Variants in ZNF385D observed in about 807,000 individuals in gnomAD.
ZNF385D encodes zinc finger protein 659.
ZNF385D carries 15 observed loss-of-function variants against 35.8 expected under a neutral mutation model. That is an observed-to-expected ratio of 0.42 (90% CI 0.28 to 0.64). ZNF385D has a LOEUF of 0.64. Among genes scored for constraint, ZNF385D ranks in the 30% least tolerant of loss-of-function variants. ZNF385D has a pLI of 0.23. For missense variants in ZNF385D, 474 were observed against 494.6 expected, an observed-to-expected ratio of 0.96 and a Z score of 0.39; for synonymous variants, 212 against 186.8, an observed-to-expected ratio of 1.13 and a Z score of -1.10.
At chr3:21,966,489 A>T (rs1003559273) in intron 3 of ZNF385D, among the ~76,000 whole-genome samples, 1 of 152,190 alleles carries the variant, frequency 6.6e-6, no homozygotes, top group East Asian at 1.9e-4. Flanking sequence ...GAGGCTTTAT[A>T]ATCAGAAATT....
chr3:22,256,792 A>G (rs1295021548), intron 2 of ZNF385D, among the ~76,000 whole-genome samples: 1 of 151,856 alleles, frequency 6.6e-6, no homozygotes, highest in South Asian at 2.1e-4. Context: ...TGCTATCACC[A>G]TTCTTCAATG....
intron 4 of ZNF385D, among the ~76,000 whole-genome samples, chr3:21,463,972 A>G (rs929533288): frequency 6.6e-6 from 1 of 152,106 alleles, no homozygotes; most frequent in Admixed American, 6.5e-5. Flanking sequence ...TATCACACAT[A>G]TACATGAAAC....
chr3:21,532,515 AT>A (rs1307652565), intron 3 of ZNF385D, among the ~76,000 whole-genome samples: 1 of 152,114 alleles, frequency 6.6e-6, no homozygotes, highest in South Asian at 2.1e-4. Context: ...AGAATGGAAC[AT>A]TTTAGTTTCC....
At chr3:21,665,082 C>T (rs1004400254) in intron 1 of ZNF385D, 54 bp from the exon 2 acceptor site, 26 of 1,512,528 alleles carry the variant, frequency 1.7e-5, no homozygotes, top group Non-Finnish European at 2.2e-5. Context: ...TGGAAAAAAA[C>T]ACCAAAGTTG....
At chr3:21,732,045 T>TGAGAACGGAG (rs1559561969) in intron 1 of ZNF385D, among the ~76,000 whole-genome samples, 1 of 49,240 alleles carries the variant, frequency 2.0e-5, no homozygotes, top group Non-Finnish European at 4.9e-5. Context: ...TTTTTTTTTT[T>TGAGAACGGAG]TTTTTTTTTT....
chr3:21,865,061 T>TG (rs1410922833), intron 3 of ZNF385D, among the ~76,000 whole-genome samples: 3 of 138,876 alleles, frequency 2.2e-5, no homozygotes, highest in Admixed American at 7.3e-5. Flanking sequence ...TTTTTTTTTT[T>TG]TTTTTTTTTT....
At chr3:22,057,966 GT>G in intron 3 of ZNF385D, among the ~76,000 whole-genome samples, 1 of 152,216 alleles carries the variant, frequency 6.6e-6, no homozygotes, top group South Asian at 2.1e-4. Flanking sequence ...CCATATTCTT[GT>G]TTATCTCAAT....
chr3:22,130,195 C>G (rs1046997277), intron 3 of ZNF385D, among the ~76,000 whole-genome samples: 2 of 152,102 alleles, frequency 1.3e-5, no homozygotes, highest in African/African-American at 4.8e-5. Flanking sequence ...ATCCAAGTTG[C>G]AAGACAAAGT....
At chr3:21,443,811 G>A (rs77860984) in intron 4 of ZNF385D, among the ~76,000 whole-genome samples, 9,025 of 152,046 alleles carry the variant, frequency 0.059, 371 homozygotes, top group Non-Finnish European at 0.093. Context: ...CCCAAGCCTT[G>A]TATGCATTAA....
intron 3 of ZNF385D, among the ~76,000 whole-genome samples, chr3:22,085,924 C>T (rs1445247595): frequency 6.6e-6 from 1 of 152,108 alleles, no homozygotes; most frequent in African/African-American, 2.4e-5. Context: ...AAATGAAATC[C>T]ATCACATAAA....
intron 2 of ZNF385D, among the ~76,000 whole-genome samples, chr3:21,597,310 T>C (rs576016786): frequency 6.6e-6 from 1 of 152,004 alleles, no homozygotes; most frequent in South Asian, 2.1e-4. Context: ...TTAAATAGAA[T>C]AAGCAATGTT....
chr3:22,133,495 A>C (rs1703925913), intron 3 of ZNF385D: 3 of 152,132 alleles, frequency 2.0e-5, no homozygotes, highest in Admixed American at 6.6e-5. Context: ...AGAATACAGC[A>C]TTATAATCAC....
intron 2 of ZNF385D, among the ~76,000 whole-genome samples, chr3:22,203,814 C>T (rs185334828): frequency 1.3e-5 from 2 of 152,090 alleles, no homozygotes; most frequent in Admixed American, 6.6e-5. Context: ...TTAGCTCAGT[C>T]GCAGTAGAAT....
At chr3:21,863,853 G>T (rs6550629) in intron 3 of ZNF385D, among the ~76,000 whole-genome samples, 4,853 of 152,158 alleles carry the variant, frequency 0.032, 245 homozygotes, top group African/African-American at 0.1. Context: ...GCCAACCCAG[G>T]CCTCTATAAA....
intron 1 of ZNF385D, among the ~76,000 whole-genome samples, chr3:21,673,143 C>T (rs2066625121): frequency 6.6e-6 from 1 of 152,052 alleles, no homozygotes; most frequent in Non-Finnish European, 1.5e-5. Context: ...TTAAATTTCA[C>T]ACCATGAATC....
chr3:21,770,472 A>G (rs1238364856), intron 3 of ZNF385D, among the ~76,000 whole-genome samples: 1 of 152,236 alleles, frequency 6.6e-6, no homozygotes, highest in East Asian at 1.9e-4. Flanking sequence ...TATGCAGCCA[A>G]AAGACACATG....
At chr3:21,882,386 A>C (rs1016685043) in intron 3 of ZNF385D, among the ~76,000 whole-genome samples, 2 of 149,050 alleles carry the variant, frequency 1.3e-5, no homozygotes, top group African/African-American at 5.0e-5. Context: ...GATTGTAAGC[A>C]TTTTTTAGTA....
intron 1 of ZNF385D, among the ~76,000 whole-genome samples, chr3:21,702,036 G>A (rs1434954312): frequency 1.3e-5 from 2 of 152,098 alleles, no homozygotes; most frequent in Admixed American, 6.5e-5. Flanking sequence ...CGGATCTGGA[G>A]GACAGTAACC....
chr3:22,106,168 C>T (rs1702202694), intron 3 of ZNF385D, among the ~76,000 whole-genome samples: 1 of 152,074 alleles, frequency 6.6e-6, no homozygotes, highest in Non-Finnish European at 1.5e-5. Flanking sequence ...ATGGGATGTT[C>T]TCACTTGCTA....
Sources: allele counts gnomAD v4.1 joint callset (sites outside exome capture counted in the v4.1 genomes callset), GRCh38; gene constraint gnomAD v4.1.1; transcripts MANE v1.5; gene names NCBI Gene and HGNC (gene_info 2026-07-23, HGNC 2026-07-21).